NEDD4L: variants seen among roughly 807,000 people sequenced by gnomAD.
NEDD4L encodes the protein E3 ubiquitin-protein ligase NEDD4-like.
A neutral mutation model predicts 148.9 loss-of-function variants in NEDD4L; 54 were observed. The observed-to-expected ratio is 0.36, with a 90% CI of 0.29 to 0.45. NEDD4L has a LOEUF of 0.45. Among genes scored for constraint, NEDD4L ranks in the 20% least tolerant of loss-of-function variants. The pLI is 1.00. For missense variants in NEDD4L, 856 were observed against 1,233.8 expected (o/e 0.69, Z 4.59); for synonymous variants, 433 against 440.7 (o/e 0.98, Z 0.22).
chr18:58,055,547 T>C (rs560544590), intron 1 of NEDD4L, among the ~76,000 whole-genome samples: 160 of 152,360 alleles, frequency 1.1e-3, no homozygotes, highest in African/African-American at 3.3e-3. Context: ...AATACTGATA[T>C]AGTGTTTGTT....
At chr18:58,156,282 C>G (rs143772066) in intron 1 of NEDD4L, among the ~76,000 whole-genome samples, 2 of 152,148 alleles carry the variant, frequency 1.3e-5, no homozygotes, top group African/African-American at 4.8e-5. Context: ...TCGGATACCC[C>G]CTTCCGCAAA....
intron 2 of NEDD4L, among the ~76,000 whole-genome samples, chr18:58,179,673 T>C (rs999219661): frequency 3.3e-5 from 5 of 151,996 alleles, no homozygotes; most frequent in Admixed American, 6.6e-5. Flanking sequence ...GAACTTTGCA[T>C]GTGAGGGATC....
chr18:58,216,373 A>G (rs2043158653), intron 2 of NEDD4L, among the ~76,000 whole-genome samples: 1 of 152,112 alleles, frequency 6.6e-6, no homozygotes, highest in Admixed American at 6.6e-5. Context: ...TTAAGGTTGT[A>G]GTAAGTCAGC....
chr18:58,234,664 A>C (rs2045795265), intron 2 of NEDD4L, among the ~76,000 whole-genome samples: 1 of 152,122 alleles, frequency 6.6e-6, no homozygotes, highest in South Asian at 2.1e-4. Context: ...ACCTCTGTGA[A>C]AACCCTGTTT....
At chr18:58,235,637 G>A (rs140852771) in intron 2 of NEDD4L, among the ~76,000 whole-genome samples, 1 of 152,132 alleles carries the variant, frequency 6.6e-6, no homozygotes, top group Non-Finnish European at 1.5e-5. Flanking sequence ...CACGTTCATA[G>A]TTCCTGTGCT....
Position 58,364,276 on chromosome 18 carries a change from T to A in NEDD4L, c.1776T>A (p.Pro592=). 6.5e-7 allele frequency: 1 copy of A among 1,549,728 alleles called. No individual in the cohort carries two copies. The highest frequency in any genetic ancestry group is 8.8e-7 in the Non-Finnish European group (1 of 1,141,574). The change falls in exon 20 of 31, where the codon CCT becomes CCA. Residue 592 remains proline, a synonymous_variant. Transcript: ENST00000400345. ...QNPAITGPAV[P]YSREFKQKYD... ...ATAAATTTATCTTCCAGGCTGTCCCTTACTCCAGAGAATTTAAGCAGAAAT... is the reference window on the plus strand; with the variant it reads ...ATAAATTTATCTTCCAGGCTGTCCCATACTCCAGAGAATTTAAGCAGAAAT...
chr18:58,188,443 G>T (rs1036036105), intron 2 of NEDD4L, among the ~76,000 whole-genome samples: 3 of 152,206 alleles, frequency 2.0e-5, no homozygotes, highest in Non-Finnish European at 2.9e-5. Context: ...CACCGAGTGG[G>T]TCCACCTCTG....
Position 58,256,922 on chromosome 18 carries a change from G to A in NEDD4L, c.297+4868G>A, listed in dbSNP as rs935987116. 54 of 699,934 alleles carry A rather than the reference G, an allele frequency of 7.7e-5. No individual in the cohort carries two copies. Among genetic ancestry groups the A allele is most frequent in the Non-Finnish European group, 9.7e-5 (49 of 502,730 alleles). The allele number at this position is 699,934 out of a possible 1,614,324, so 43.4% of individuals were successfully genotyped here. A position where few individuals can be genotyped will look rare whatever the true frequency, so the allele number is the denominator to read the frequency against. On this transcript the variant is annotated intron_variant, in intron 5 of 30. Coordinates refer to ENST00000400345, the MANE Select transcript of NEDD4L (RefSeq NM_001144967.3). This position sits in a 1 kb window ranked among gnomAD's most constrained non-coding sequence, Gnocchi z 5.2. ...TGAATGTTTGGCCGAGTTCTGGCACGATGATTTGTGGTCCAGTGTTTGGTG... is the reference window on the plus strand; with the variant it reads ...TGAATGTTTGGCCGAGTTCTGGCACAATGATTTGTGGTCCAGTGTTTGGTG...
Position 58,269,761 on chromosome 18 carries a change from T to G in NEDD4L, c.297+17707T>G, listed in dbSNP as rs777373063. 9.9e-4 allele frequency among the ~76,000 whole-genome samples: 150 copies of G among 151,954 alleles called. 1 individual carries two copies. The highest frequency in any genetic ancestry group is 3.1e-3 in the Admixed American group (47 of 15,276). ...GATAACCTTTGGTGTAAATACTGAT[T>G]TAATGCATTTTTTTTTCTCACCCAC... On this transcript the variant is annotated intron_variant, in intron 5 of 30. Transcript: ENST00000400345.
chr18:58,141,165 AACC>A (rs2033455913), intron 1 of NEDD4L, among the ~76,000 whole-genome samples: 1 of 152,188 alleles, frequency 6.6e-6, no homozygotes, highest in East Asian at 1.9e-4. Flanking sequence ...GGTTCGTGTT[AACC>A]ATCAGCAGGG....
chr18:58,292,677 T>C (rs2054941678), intron 5 of NEDD4L, among the ~76,000 whole-genome samples: 1 of 152,258 alleles, frequency 6.6e-6, no homozygotes, highest in South Asian at 2.1e-4. Context: ...GTTTTATGCC[T>C]TTTCTCATCC....
intron 1 of NEDD4L, among the ~76,000 whole-genome samples, chr18:58,143,338 G>C (rs2033756195): frequency 6.6e-6 from 1 of 152,190 alleles, no homozygotes; most frequent in Non-Finnish European, 1.5e-5. Context: ...ACAGAGCTCA[G>C]CTGCCTATTC....
intron 2 of NEDD4L, 26 bp from the exon 3 acceptor site, chr18:58,245,401 A>G (rs1472602960): frequency 1.7e-6 from 2 of 1,163,484 alleles, no homozygotes; most frequent in Admixed American, 2.0e-5. Context: ...GTATAATCCT[A>G]TTAAATCTAA....
intron 6 of NEDD4L, among the ~76,000 whole-genome samples, chr18:58,318,383 C>T (rs1471642213): frequency 6.6e-6 from 1 of 152,198 alleles, no homozygotes; most frequent in Admixed American, 6.5e-5. Context: ...TGGCAAGACC[C>T]TGTCTCTATA....
At chr18:58,143,999 T>G (rs889467681) in intron 1 of NEDD4L, among the ~76,000 whole-genome samples, 3 of 152,170 alleles carry the variant, frequency 2.0e-5, no homozygotes, top group African/African-American at 4.8e-5. Context: ...TCAGTTAGTA[T>G]TTTTGTTGTT....
chr18:58,263,426 C>T (rs1346176998), intron 5 of NEDD4L, among the ~76,000 whole-genome samples: 2 of 152,130 alleles, frequency 1.3e-5, no homozygotes, highest in African/African-American at 4.8e-5. Flanking sequence ...CAACCCACAT[C>T]ATCACTCATT....
chr18:58,263,481 T>A (rs547340982), intron 5 of NEDD4L, among the ~76,000 whole-genome samples: 1 of 152,338 alleles, frequency 6.6e-6, no homozygotes, highest in South Asian at 2.1e-4. Context: ...CTGGGGTTGT[T>A]ATTAAGCATG....
chr18:58,118,763 G>A (rs1673373533), intron 1 of NEDD4L, among the ~76,000 whole-genome samples: 1 of 152,156 alleles, frequency 6.6e-6, no homozygotes, highest in Non-Finnish European at 1.5e-5. Flanking sequence ...CCCAGCTGAG[G>A]AAGGACACAC....
intron 30 of NEDD4L, among the ~76,000 whole-genome samples, chr18:58,392,994 C>G (rs927170943): frequency 2.0e-5 from 3 of 152,184 alleles, no homozygotes; most frequent in Non-Finnish European, 4.4e-5. Flanking sequence ...TCACAGATTC[C>G]CAGATCACAG....
Sources: gnomAD v4.1 joint callset for allele counts (sites outside exome capture counted in the v4.1 genomes callset) on GRCh38, gnomAD v4.1.1 for gene constraint, Gnocchi (gnomAD v3.1) non-coding constraint, MANE v1.5 for transcripts, NCBI Gene and HGNC (gene_info 2026-07-23, HGNC 2026-07-21) for gene names.